Variants in RABGAP1L observed in about 807,000 individuals in gnomAD.
RABGAP1L encodes RAB GTPase activating protein 1 like.
RABGAP1L carries 63 observed loss-of-function variants against 137.7 expected under a neutral mutation model. The observed-to-expected ratio is 0.46, with a 90% CI of 0.37 to 0.56. RABGAP1L has a LOEUF of 0.56. Among genes scored for constraint, RABGAP1L ranks in the 20% least tolerant of loss-of-function variants. RABGAP1L has a pLI of 0.00. For synonymous variants in RABGAP1L, 431 were observed against 433.7 expected (o/e 0.99, Z 0.08); for missense variants, 1,095 against 1,244.0 (o/e 0.88, Z 1.80).
intron 13 of RABGAP1L, among the ~76,000 whole-genome samples, chr1:174,481,347 G>T (rs1225557195): frequency 6.6e-6 from 1 of 152,158 alleles, no homozygotes; most frequent in African/African-American, 2.4e-5. Context: ...GCTGCTTTCT[G>T]TTGAGTGCTT....
At chr1:174,725,726 G>A (rs991686955) in intron 17 of RABGAP1L, among the ~76,000 whole-genome samples, 12 of 152,024 alleles carry the variant, frequency 7.9e-5, no homozygotes, top group Admixed American at 2.6e-4. Context: ...GGAAGGGCTC[G>A]TTTATACTGT....
At chr1:174,502,638 G>GTA (rs1314085970) in intron 13 of RABGAP1L, among the ~76,000 whole-genome samples, 5 of 146,514 alleles carry the variant, frequency 3.4e-5, no homozygotes, top group East Asian at 2.0e-4. Context: ...ATATATGTGT[G>GTA]TATATATATG....
At chr1:174,330,141 A>G (rs1482761592) in intron 11 of RABGAP1L, among the ~76,000 whole-genome samples, 2 of 152,190 alleles carry the variant, frequency 1.3e-5, no homozygotes, top group Non-Finnish European at 2.9e-5. Context: ...ATGATTATCT[A>G]TACAGAAAAC....
intron 13 of RABGAP1L, among the ~76,000 whole-genome samples, chr1:174,629,787 G>T (rs1201039771): frequency 1.3e-5 from 2 of 152,176 alleles, no homozygotes; most frequent in Non-Finnish European, 2.9e-5. Flanking sequence ...GCCTCCCAAA[G>T]TGCTGGGATT....
At chr1:174,311,363 C>T (rs775683449) in intron 11 of RABGAP1L, among the ~76,000 whole-genome samples, 2 of 152,128 alleles carry the variant, frequency 1.3e-5, no homozygotes, top group Non-Finnish European at 2.9e-5. Flanking sequence ...ATGATCCAGT[C>T]ACCTTCTACT....
At chr1:174,852,956 T>C (rs1264223442) in intron 19 of RABGAP1L, among the ~76,000 whole-genome samples, 1 of 152,086 alleles carries the variant, frequency 6.6e-6, no homozygotes, top group Non-Finnish European at 1.5e-5. Flanking sequence ...AAAGATAATA[T>C]TGATCATTTT....
At chr1:174,757,031 A>T (rs911141756) in intron 18 of RABGAP1L, 8 of 620,150 alleles carry the variant, frequency 1.3e-5, no homozygotes, top group African/African-American at 9.3e-5. Context: ...CTTCTTGTCC[A>T]TAACTTCACC....
intron 13 of RABGAP1L, among the ~76,000 whole-genome samples, chr1:174,493,875 A>T (rs927413548): frequency 3.3e-5 from 5 of 151,922 alleles, no homozygotes; most frequent in Admixed American, 1.3e-4. Flanking sequence ...GTAACAGCAA[A>T]ATCTACTTTT....
Position 174,956,050 on chromosome 1 carries a change from A to AT in RABGAP1L, c.2341-1403dup, listed in dbSNP as rs201731641. On this transcript the variant is annotated intron_variant, in intron 19 of 25. Transcript: ENST00000681986. ...ATACGTTAATTTTGATTGAATACTTATTTTAAAAAAAATTTTAAAAATGTC... is the reference window on the plus strand; with the variant it reads ...ATACGTTAATTTTGATTGAATACTTATTTTTAAAAAAAATTTTAAAAATGTC... 3.7e-4 allele frequency among the ~76,000 whole-genome samples: 57 copies of AT among 152,350 alleles called. 1 individual carries two copies. The East Asian group carries it at 0.01, about 28-fold the overall frequency.
intron 24 of RABGAP1L, among the ~76,000 whole-genome samples, chr1:174,984,079 G>T (rs892805355): frequency 3.5e-5 from 5 of 141,152 alleles, no homozygotes; most frequent in African/African-American, 1.3e-4. Context: ...AAAAAAAAAA[G>T]GGATACATGT....
chr1:174,504,414 GAA>G (rs550618377), intron 13 of RABGAP1L, among the ~76,000 whole-genome samples: 14 of 140,600 alleles, frequency 1.0e-4, no homozygotes, highest in African/African-American at 3.3e-4. Flanking sequence ...AAACTTGAGG[GAA>G]AAAAAAAAAA....
intron 17 of RABGAP1L, among the ~76,000 whole-genome samples, chr1:174,731,871 A>C (rs1360777905): frequency 6.6e-6 from 1 of 152,226 alleles, no homozygotes; most frequent in East Asian, 1.9e-4. Context: ...TTAAAATCAG[A>C]AAAAACAAGG....
intron 13 of RABGAP1L, among the ~76,000 whole-genome samples, chr1:174,563,475 T>C (rs1453437414): frequency 3.3e-5 from 5 of 152,216 alleles, no homozygotes; most frequent in Non-Finnish European, 1.5e-5. Flanking sequence ...TTATCCTTTG[T>C]GTGCCCCAGT....
intron 11 of RABGAP1L, among the ~76,000 whole-genome samples, chr1:174,345,547 ATTGT>A (rs1353868954): frequency 6.6e-6 from 1 of 151,694 alleles, no homozygotes; most frequent in African/African-American, 2.4e-5. Flanking sequence ...TATTTTTTAG[ATTGT>A]TTGCTCTTGA....
chr1:174,490,016 T>G (rs1660065850), intron 13 of RABGAP1L, among the ~76,000 whole-genome samples: 1 of 152,148 alleles, frequency 6.6e-6, no homozygotes. Context: ...TTGTGTTTTC[T>G]CAAAACAGGT....
chr1:174,746,169 A>G (rs1178971678), intron 17 of RABGAP1L, among the ~76,000 whole-genome samples: 4 of 152,204 alleles, frequency 2.6e-5, no homozygotes, highest in Non-Finnish European at 5.9e-5. Context: ...CTCTACTGTC[A>G]GCTGTTATTT....
intron 11 of RABGAP1L, among the ~76,000 whole-genome samples, chr1:174,339,606 T>C (rs536428477): frequency 6.7e-6 from 1 of 149,204 alleles, no homozygotes; most frequent in East Asian, 2.3e-4. Flanking sequence ...AAGGCAATTT[T>C]ATCTAATTTT....
intron 13 of RABGAP1L, among the ~76,000 whole-genome samples, chr1:174,436,720 A>T (rs796870854): frequency 1.1e-4 from 17 of 152,248 alleles, no homozygotes; most frequent in African/African-American, 4.1e-4. Context: ...TTAGACATGA[A>T]GTCCTTGTCC....
rs150669286 is a variant in RABGAP1L at position 174,850,161 on chromosome 1, GC to G, written c.2340+38206del. ...ATTCCTGATCCTGCGAGTCACTGCA[GC>G]CCCCATCTCCTCATAACATGATGCC... On this transcript the variant is annotated intron_variant, in intron 19 of 25. Coordinates refer to ENST00000681986, the MANE Select transcript of RABGAP1L (RefSeq NM_001366446.1). 3.6e-3 allele frequency: 1,597 copies of G among 444,488 alleles called. 22 individuals carry two copies. The highest frequency in any genetic ancestry group is 0.03 in the African/African-American group (1,486 of 49,778). The allele number at this position is 444,488 out of a possible 1,614,324, so 27.5% of individuals were successfully genotyped here.
Sources: allele counts gnomAD v4.1 joint callset (sites outside exome capture counted in the v4.1 genomes callset), GRCh38; gene constraint gnomAD v4.1.1; transcripts MANE v1.5; gene names NCBI Gene and HGNC (gene_info 2026-07-23, HGNC 2026-07-21).